The following HIVEP3 variants were observed in gnomAD, a reference collection of about 807,000 sequenced individuals.
HIVEP3 encodes the protein transcription factor HIVEP3.
A neutral mutation model predicts 152.8 loss-of-function variants in HIVEP3; 49 were observed. The observed-to-expected ratio is 0.32, with a 90% CI of 0.26 to 0.41. The LOEUF is 0.41. Among genes scored for constraint, HIVEP3 ranks in the 10% least tolerant of loss-of-function variants. The pLI is 1.00. For synonymous variants in HIVEP3, 1,269 were observed against 1,289.0 expected (o/e 0.98, Z 0.33); for missense variants, 2,790 against 3,103.3 (o/e 0.90, Z 2.40).
intron 2 of HIVEP3, among the ~76,000 whole-genome samples, chr1:41,629,858 G>A (rs1199639071): frequency 6.6e-6 from 1 of 152,226 alleles, no homozygotes; most frequent in Non-Finnish European, 1.5e-5. Flanking sequence ...ACTGTGGAAA[G>A]CAGTTTGGAA....
upstream of HIVEP3, among the ~76,000 whole-genome samples, chr1:41,919,520 A>G (rs1644922479): frequency 6.6e-6 from 1 of 152,238 alleles, no homozygotes; most frequent in Non-Finnish European, 1.5e-5. Context: ...TCGCATTCCA[A>G]GACATACTTT....
intron 5 of HIVEP3, among the ~76,000 whole-genome samples, chr1:41,556,991 T>C (rs1643976847): frequency 6.6e-6 from 1 of 152,230 alleles, no homozygotes; most frequent in South Asian, 2.1e-4. Flanking sequence ...CTGAACTATA[T>C]TTCTGTCTTG....
At chr1:41,955,768 A>T (rs1362050545) in intron 1 of HIVEP3, among the ~76,000 whole-genome samples, 1 of 152,228 alleles carries the variant, frequency 6.6e-6, no homozygotes, top group Non-Finnish European at 1.5e-5. Flanking sequence ...CCAGAAGGGA[A>T]GCCCATTGAG....
rs1645540386 is a variant in HIVEP3 at position 41,651,027 on chromosome 1, G to C, written c.-720-22080C>G. On this transcript the variant is annotated intron_variant, in intron 2 of 8. Coordinates refer to ENST00000372583, the MANE Select transcript of HIVEP3 (RefSeq NM_024503.5). ...TGAGTACATATTTTTCTATAGCCAGGGAATTGCTGGACCAAAGTGGGTACA... is the reference window on the plus strand; with the variant it reads ...TGAGTACATATTTTTCTATAGCCAGCGAATTGCTGGACCAAAGTGGGTACA... Among the ~76,000 whole-genome samples the C allele has an allele frequency of 2.0e-5, 3 of 152,210 alleles. No individual in the cohort carries two copies. In the South Asian group the frequency reaches 6.2e-4, roughly 32 times the overall value.
At chr1:41,738,455 T>C (rs560362456) in intron 1 of HIVEP3, among the ~76,000 whole-genome samples, 53 of 152,270 alleles carry the variant, frequency 3.5e-4, no homozygotes, top group Admixed American at 1.7e-3. Context: ...TTCTGATACA[T>C]GCTATAGCAT....
At chr1:41,683,159 G>A (rs561347565) in intron 2 of HIVEP3, among the ~76,000 whole-genome samples, 16 of 152,198 alleles carry the variant, frequency 1.1e-4, no homozygotes, top group Non-Finnish European at 2.1e-4. Context: ...AAAACAGAAG[G>A]GAACCTGCAC....
At chr1:41,880,813 G>A (rs1644248910) in intron 1 of HIVEP3, among the ~76,000 whole-genome samples, 1 of 152,184 alleles carries the variant, frequency 6.6e-6, no homozygotes, top group Non-Finnish European at 1.5e-5. Flanking sequence ...GGGGAGACCT[G>A]CATCTGTGGG....
At chr1:41,727,457 A>G (rs1161558080) in intron 1 of HIVEP3, among the ~76,000 whole-genome samples, 1 of 152,182 alleles carries the variant, frequency 6.6e-6, no homozygotes, top group Admixed American at 6.5e-5. Flanking sequence ...CTGAGCAGAG[A>G]GGAGTAGGGG....
chr1:41,711,748 G>A (rs148782499), intron 1 of HIVEP3, among the ~76,000 whole-genome samples: 100 of 152,232 alleles, frequency 6.6e-4, no homozygotes, highest in African/African-American at 2.1e-3. Context: ...TGTGTTGAGC[G>A]GCCCGAGTGG....
At chr1:41,644,288 G>C (rs1424478135) in intron 2 of HIVEP3, among the ~76,000 whole-genome samples, 1 of 152,098 alleles carries the variant, frequency 6.6e-6, no homozygotes, top group Non-Finnish European at 1.5e-5. Context: ...TGGACCTATG[G>C]GACAGTACGT....
intron 1 of HIVEP3, among the ~76,000 whole-genome samples, chr1:42,000,907 C>G (rs1380585717): frequency 6.6e-6 from 1 of 152,168 alleles, no homozygotes; most frequent in Non-Finnish European, 1.5e-5. Context: ...AAAATTAGAT[C>G]ATAAATGGAA....
At chr1:41,952,372 T>C (rs953417838) in intron 1 of HIVEP3, among the ~76,000 whole-genome samples, 2 of 152,192 alleles carry the variant, frequency 1.3e-5, no homozygotes, top group African/African-American at 4.8e-5. Context: ...TCCAAAATCT[T>C]CCTCAAATTT....
At chr1:41,527,305 ACAC>A (rs1451763696) in intron 5 of HIVEP3, among the ~76,000 whole-genome samples, 1 of 40,438 alleles carries the variant, frequency 2.5e-5, no homozygotes, top group Non-Finnish European at 5.8e-5. Context: ...TCACACCCTC[ACAC>A]TTCACACCCC....
chr1:41,690,471 T>C (rs572806355), intron 2 of HIVEP3, among the ~76,000 whole-genome samples: 80 of 152,332 alleles, frequency 5.3e-4, no homozygotes, highest in African/African-American at 1.9e-3. Context: ...GCACCCCGCT[T>C]CCACGAGCCT....
At chr1:41,919,020 A>G (rs980601942), upstream of HIVEP3, among the ~76,000 whole-genome samples, 1 of 152,216 alleles carries the variant, frequency 6.6e-6, no homozygotes, top group African/African-American at 2.4e-5. Flanking sequence ...TCCCATGCCT[A>G]AAGGCACAGT....
intron 7 of HIVEP3, among the ~76,000 whole-genome samples, chr1:41,515,908 G>C (rs956576034): frequency 2.3e-4 from 35 of 152,306 alleles, no homozygotes; most frequent in African/African-American, 8.4e-4. Flanking sequence ...GCAGGTAGCT[G>C]GGGTGGGATT....
Position 41,585,454 on chromosome 1 carries a change from G to A in HIVEP3, c.-521-136C>T, listed in dbSNP as rs117251148. On this transcript the variant is annotated intron_variant, in intron 3 of 8. Transcript: ENST00000372583. ...TGAGACCCCTCAAAAGTTAACCAGG[G>A]AAACTCAAGCAGAACCACAGGCTCC... 605 of 397,314 alleles carry A rather than the reference G, an allele frequency of 1.5e-3. 9 individuals carry two copies. The East Asian group carries it at 0.019, about 13-fold the overall frequency. The allele number at this position is 397,314 out of a possible 1,614,324, so 24.6% of individuals were successfully genotyped here.
chr1:41,865,360 G>A lies in HIVEP3; in HGVS notation c.-801+53053C>T, dbSNP rs144849097. Among the ~76,000 whole-genome samples, 18 of 152,278 alleles carry A rather than the reference G, an allele frequency of 1.2e-4. No homozygotes were observed. In the East Asian group the frequency reaches 1.5e-3, roughly 13 times the overall value. On this transcript the variant is annotated intron_variant, in intron 1 of 8. Transcript: ENST00000372583. ...TCAAATGCCATTTGCCACCTCTGGC[G>A]GTGATAGCAGGGGCAGCTGGGGCTG...
intron 1 of HIVEP3, among the ~76,000 whole-genome samples, chr1:41,741,972 G>A (rs139401202): frequency 2.4e-4 from 37 of 152,350 alleles, no homozygotes; most frequent in African/African-American, 8.9e-4. Flanking sequence ...ATTGTCCAAT[G>A]AAATGAAATG....
Sources: allele counts gnomAD v4.1 joint callset (sites outside exome capture counted in the v4.1 genomes callset), GRCh38; gene constraint gnomAD v4.1.1; transcripts MANE v1.5; gene names NCBI Gene and HGNC (gene_info 2026-07-23, HGNC 2026-07-21).